EPHA1: variants seen among roughly 807,000 people sequenced by gnomAD.
EPHA1 encodes EPH receptor A1, also known as ephrin type-A receptor 1.
A neutral mutation model predicts 110.1 loss-of-function variants in EPHA1; 92 were observed. The ratio of observed to expected loss-of-function variants is 0.84; its 90% CI spans 0.71 to 0.99. The LOEUF (loss-of-function observed/expected upper bound fraction) is 0.99, where lower values mean the gene tolerates loss of function less well. Ranked by LOEUF, EPHA1 falls within the 50% of genes least tolerant of loss-of-function variation. The pLI is 0.00. For missense variants in EPHA1, 1,204 were observed against 1,285.4 expected (o/e 0.94, Z 0.97); for synonymous variants, 500 against 516.1 (o/e 0.97, Z 0.42).
rs369040226 is a variant in EPHA1 at position 143,396,503 on chromosome 7, C to G, written c.1779G>C (p.Lys593Asn). 1 of 1,613,906 alleles carries G rather than the reference C, an allele frequency of 6.2e-7. No homozygotes were observed. Among genetic ancestry groups the G allele is most frequent in the South Asian group, 1.1e-5 (1 of 91,074 alleles). The change falls in exon 11 of 18, where the codon AAG becomes AAC. Residue 593 changes from lysine (K) to asparagine (N), a missense_variant. Transcript: ENST00000275815. ...DRATDVDREDKLWLKPYVDLQ... is the reference protein window; with the variant it reads ...DRATDVDREDNLWLKPYVDLQ... ...GGTCCACATAAGGCTTCAGCCACAGCTTGTCCTCTATGGGCAGAACATGAG... is the reference window on the plus strand; with the variant it reads ...GGTCCACATAAGGCTTCAGCCACAGGTTGTCCTCTATGGGCAGAACATGAG...
chr7:143,395,627 T>TGTCCCAGGAAGGGCAC lies in EPHA1; in HGVS notation c.1898-124_1898-123insGTGCCCTTCCTGGGAC. On this transcript the variant is annotated intron_variant, in intron 11 of 17. Transcript: ENST00000275815. The surrounding 1 kb of genome is among the most constrained non-coding windows in gnomAD (Gnocchi z 4.7). ...GGAGAATCAGAAGCGTGGAGTGCCC[T>TGTCCCAGGAAGGGCAC]TCCTGGGACAGGGCGTGGGCTGTCC... 1.9e-6 allele frequency: 2 copies of TGTCCCAGGAAGGGCAC among 1,052,884 alleles called. No homozygotes were observed. The highest frequency in any genetic ancestry group is 2.7e-6 in the Non-Finnish European group (2 of 740,036). 65.2% of individuals were successfully genotyped at this position (1,052,884 alleles called of 1,614,324 possible). A position where few individuals can be genotyped will look rare whatever the true frequency, so the allele number is the denominator to read the frequency against.
At position 143,401,373 on chromosome 7, in the gene EPHA1, T is replaced by G. The variant is rs761342435; in HGVS notation, c.383A>C (p.Glu128Ala). 1.7e-5 allele frequency: 27 copies of G among 1,614,088 alleles called. No individual in the cohort carries two copies. The South Asian group carries it at 2.9e-4, about 17-fold the overall frequency. Residue 128 changes from glutamate (E) to alanine (A), a missense_variant, in exon 3 of 18, where the codon GAG becomes GCG. Coordinates refer to ENST00000275815, the MANE Select transcript of EPHA1 (RefSeq NM_005232.5). This position sits in a 1 kb window ranked among gnomAD's most constrained non-coding sequence, Gnocchi z 4.1. ...CKETFNLLYM[E>A]SDQDVGIQLR... ...CTGAATGCCCACATCCTGGTCACTC[T>G]CCATGTACAGAAGGTTGAAGGTCTC...
rs372088764 is a variant in EPHA1 at position 143,397,983 on chromosome 7, T to C, written c.1552A>G (p.Met518Val). ...GGGCCAGGACCCAGTGGGGTCAGCATTCGGACTCTGACGATGTATGTGGTG... is the reference window on the plus strand; with the variant it reads ...GGGCCAGGACCCAGTGGGGTCAGCACTCGGACTCTGACGATGTATGTGGTG... The part of the protein sequence containing the change: ...PDTTYIVRVR[M>V]LTPLGPGPFS... Residue 518 changes from methionine (M) to valine (V), a missense_variant, in exon 8 of 18, where the codon ATG becomes GTG. Physicochemically the swap from Met to Val is conservative, Grantham distance 21. Coordinates refer to ENST00000275815, the MANE Select transcript of EPHA1 (RefSeq NM_005232.5). 1.2e-6 allele frequency: 2 copies of C among 1,614,102 alleles called. No individual in the cohort carries two copies. Among genetic ancestry groups the C allele is most frequent in the South Asian group, 1.1e-5 (1 of 91,078 alleles).
chr7:143,395,606 A>C lies in EPHA1; in HGVS notation c.1898-102T>G. 8 of 1,284,252 alleles carry C rather than the reference A, an allele frequency of 6.2e-6. 1 individual carries two copies. In the South Asian group the frequency reaches 9.8e-5, roughly 16 times the overall value. The allele number at this position is 1,284,252 out of a possible 1,614,324, so 79.6% of individuals were successfully genotyped here. On this transcript the variant is annotated intron_variant, in intron 11 of 17. Transcript: ENST00000275815. This position sits in a 1 kb window ranked among gnomAD's most constrained non-coding sequence, Gnocchi z 4.7. ...CCTCCGGCCCTTTTCTTTTCTGGAG[A>C]ATCAGAAGCGTGGAGTGCCCTTCCT... is the stretch of plus-strand genomic sequence containing the variant.
chr7:143,393,068 G>C lies in EPHA1; in HGVS notation c.2696+603C>G, dbSNP rs79797308. Among the ~76,000 whole-genome samples the C allele has an allele frequency of 6.6e-6, 1 of 152,100 alleles. No homozygotes were observed. The highest frequency in any genetic ancestry group is 1.5e-5 in the Non-Finnish European group (1 of 68,020). The stretch of plus-strand genomic sequence containing the variant: ...GGCTGCTATTCCTAAACACAATGCC[G>C]CAGCCATCCTGCACTATCTGCAACC... On this transcript the variant is annotated intron_variant, in intron 16 of 17. Transcript: ENST00000275815. The surrounding 1 kb of genome is among the most constrained non-coding windows in gnomAD (Gnocchi z 5.6).
Position 143,393,672 on chromosome 7 carries a change from TG to T in EPHA1, c.2694del (p.Arg899GlyfsTer2). 6.2e-7 allele frequency: 1 copy of T among 1,613,190 alleles called. No individual in the cohort carries two copies. Among genetic ancestry groups the T allele is most frequent in the Non-Finnish European group, 8.5e-7 (1 of 1,179,726 alleles). On this transcript the variant is annotated frameshift_variant and splice_region_variant, in exon 16 of 18. Coordinates refer to ENST00000275815, the MANE Select transcript of EPHA1 (RefSeq NM_005232.5). LOFTEE classifies it high-confidence loss of function. This position sits in a 1 kb window ranked among gnomAD's most constrained non-coding sequence, Gnocchi z 5.6. ...HSLRTIANFD[P>X]RMTLRLPSLS... is the part of the protein sequence containing the mutation. ...CTAGTCCTTCCCCTGCATGGTTACCTGGGGTCAAAGTTGGCAATGGTCCGCA... is the reference window on the plus strand; with the variant it reads ...CTAGTCCTTCCCCTGCATGGTTACCTGGGTCAAAGTTGGCAATGGTCCGCA...
intron 16 of EPHA1, among the ~76,000 whole-genome samples, chr7:143,392,812 T>A (rs1805128027): frequency 1.3e-5 from 2 of 152,106 alleles, no homozygotes; most frequent in Admixed American, 1.3e-4. Flanking sequence ...CATGGTGGTA[T>A]GTGCCTGTAA....
In EPHA1 at chr7:143,398,826, A is replaced by C. The variant is rs1420692583; in HGVS notation, c.1111T>G (p.Ser371Ala). The stretch of plus-strand genomic sequence containing the variant: ...TCCTGTGCTGTGCCCTGACACTGGG[A>C]ACACCTCACACTGTATCTGACATCC... ...RQDVRYSVRC[S>A]QCQGTAQDGG... Residue 371 changes from serine to alanine, a missense_variant, in exon 6 of 18, where the codon TCC becomes GCC. Coordinates refer to ENST00000275815, the MANE Select transcript of EPHA1 (RefSeq NM_005232.5). 1 of 1,613,438 alleles carries C rather than the reference A, an allele frequency of 6.2e-7. No individual in the cohort carries two copies. Among genetic ancestry groups the C allele is most frequent in the Non-Finnish European group, 8.5e-7 (1 of 1,179,944 alleles).
At chr7:143,400,372 A>G (rs1358002851) in intron 3 of EPHA1, among the ~76,000 whole-genome samples, 2 of 152,214 alleles carry the variant, frequency 1.3e-5, no homozygotes, top group African/African-American at 4.8e-5. Context: ...TCTACAGTCC[A>G]TACAATTTCT....
intron 10 of EPHA1, among the ~76,000 whole-genome samples, chr7:143,396,956 C>G (rs189096667): frequency 2.0e-5 from 3 of 152,264 alleles, no homozygotes; most frequent in East Asian, 3.9e-4. Flanking sequence ...CCTCGGAGGA[C>G]GTCAATCCTC....
chr7:143,404,638 C>T (rs1247899453), intron 2 of EPHA1, among the ~76,000 whole-genome samples: 2 of 152,190 alleles, frequency 1.3e-5, no homozygotes, highest in Non-Finnish European at 2.9e-5. Context: ...ACTACAACCT[C>T]ATATGTGTAG....
In EPHA1 at chr7:143,393,882, A is replaced by T; in HGVS notation, c.2503-18T>A. On this transcript the variant is annotated intron_variant, in intron 15 of 17. Coordinates refer to ENST00000275815, the MANE Select transcript of EPHA1 (RefSeq NM_005232.5). This position sits in a 1 kb window ranked among gnomAD's most constrained non-coding sequence, Gnocchi z 5.6. ...TTCATAACCTGCACGGCGGGACAGG[A>T]GGATGCTCTAGAGTAGCAAGCTAAC... The T allele has an allele frequency of 1.3e-6, 2 of 1,529,760 alleles. No homozygotes were observed. Among genetic ancestry groups the T allele is most frequent in the Non-Finnish European group, 1.8e-6 (2 of 1,136,624 alleles). The allele number at this position is 1,529,760 out of a possible 1,614,324, so 94.8% of individuals were successfully genotyped here. A position where few individuals can be genotyped will look rare whatever the true frequency, so the allele number is the denominator to read the frequency against.
At position 143,395,373 on chromosome 7, in the gene EPHA1, T is replaced by C; in HGVS notation, c.2029A>G (p.Met677Val). Residue 677 changes from methionine to valine, a missense_variant, in exon 12 of 18, where the codon ATG (methionine) becomes GTG (valine). By Grantham distance (21) the Met-to-Val change is conservative (BLOSUM62 1). Coordinates refer to ENST00000275815, the MANE Select transcript of EPHA1 (RefSeq NM_005232.5). This position sits in a 1 kb window ranked among gnomAD's most constrained non-coding sequence, Gnocchi z 4.7. ...WWNFLREATI[M>V]GQFSHPHILH... is the part of the protein sequence containing the mutation. ...ATATGCGGGTGGCTAAACTGGCCCA[T>C]GATAGTTGCCTCTCGAAGGAAGTTC... 2 of 1,614,220 alleles carry C rather than the reference T, an allele frequency of 1.2e-6. No homozygotes were observed. Among genetic ancestry groups the C allele is most frequent in the Non-Finnish European group, 1.7e-6 (2 of 1,180,034 alleles).
At position 143,398,747 on chromosome 7, in the gene EPHA1, C is replaced by T. The variant is rs143087087; in HGVS notation, c.1190G>A (p.Arg397Gln). Reference protein sequence around the residue: ...GVGVHFSPGARGLTTPAVHVN... With the variant: ...GVGVHFSPGAQGLTTPAVHVN... ...ATGCACTGCAGGTGTGGTGAGCCCC[C>T]GGGCCCCCGGCGAGAAGTGCACGCC... The change falls in exon 6 of 18, where the codon CGG becomes CAG. Residue 397 changes from arginine to glutamine, a missense_variant. Physicochemically the swap from Arg to Gln is conservative, Grantham distance 43. Transcript: ENST00000275815. The T allele has an allele frequency of 4.2e-4, 678 of 1,613,940 alleles. No homozygotes were observed. Among genetic ancestry groups the T allele is most frequent in the East Asian group, 8.2e-4 (37 of 44,862 alleles).
chr7:143,395,000 C>T lies in EPHA1; in HGVS notation c.2160G>A (p.Gln720=), dbSNP rs1805204726. The change falls in exon 14 of 18, where the codon CAG becomes CAA. Residue 720 remains glutamine, a synonymous_variant. Coordinates refer to ENST00000275815, the MANE Select transcript of EPHA1 (RefSeq NM_005232.5). ...TGGCCACTAGCTGCCCAGGGACCAGCTGGTCCTCCCGCTCCTGCAGCAGGG... is the reference window on the plus strand; with the variant it reads ...TGGCCACTAGCTGCCCAGGGACCAGTTGGTCCTCCCGCTCCTGCAGCAGGG... ...LDAFLRERED[Q]LVPGQLVAML... 1.2e-6 allele frequency: 2 copies of T among 1,614,006 alleles called. No homozygotes were observed. Among genetic ancestry groups the T allele is most frequent in the South Asian group, 1.1e-5 (1 of 91,084 alleles).
At chr7:143,402,204 C>A (rs1805440800) in intron 2 of EPHA1, among the ~76,000 whole-genome samples, 1 of 151,964 alleles carries the variant, frequency 6.6e-6, no homozygotes, top group Non-Finnish European at 1.5e-5. Context: ...TGTGAGCCAC[C>A]ACACCCAGCC....
rs1287929809 is a variant in EPHA1, at chr7:143,391,666, A to G, written c.2806T>C (p.Ser936Pro). 5 of 1,613,994 alleles carry G rather than the reference A, an allele frequency of 3.1e-6. No individual in the cohort carries two copies. The South Asian group carries it at 3.3e-5, about 11-fold the overall frequency. The change falls in exon 17 of 18, where the codon TCG (serine) becomes CCG (proline). Residue 936 changes from serine to proline, a missense_variant. Transcript: ENST00000275815. ...CACTCCATGGTGTCCAGCCCAGCCG[A>G]GTGGAAGTGCAGGATGTAGCGTTTC... ...RMKRYILHFH[S>P]AGLDTMECVL... is the part of the protein sequence containing the mutation.
At chr7:143,406,622 G>A (rs1805557928) in intron 2 of EPHA1, among the ~76,000 whole-genome samples, 1 of 152,232 alleles carries the variant, frequency 6.6e-6, no homozygotes, top group Non-Finnish European at 1.5e-5. Context: ...CTAGAGGAGG[G>A]CAGTCTTGTG....
At chr7:143,403,438 A>G (rs2116635167) in intron 2 of EPHA1, among the ~76,000 whole-genome samples, 1 of 152,188 alleles carries the variant, frequency 6.6e-6, no homozygotes. Flanking sequence ...TTTTAAAGCA[A>G]TCCATAAGTA....
Sources: gnomAD v4.1 joint callset for allele counts (sites outside exome capture counted in the v4.1 genomes callset) on GRCh38, gnomAD v4.1.1 for gene constraint, Gnocchi (gnomAD v3.1) non-coding constraint, MANE v1.5 for transcripts, NCBI Gene and HGNC (gene_info 2026-07-23, HGNC 2026-07-21) for gene names.